The following PATJ variants were observed in gnomAD, a reference collection of about 807,000 sequenced individuals.
PATJ encodes PATJ crumbs cell polarity complex component, also known as inaD-like protein.
A neutral mutation model predicts 224.9 loss-of-function variants in PATJ; 190 were observed. The ratio of observed to expected loss-of-function variants is 0.84; its 90% CI spans 0.75 to 0.95. The LOEUF (loss-of-function observed/expected upper bound fraction) is 0.95, where lower values mean the gene tolerates loss of function less well. Ranked by LOEUF, PATJ falls within the 40% of genes least tolerant of loss-of-function variation. The pLI, the probability that PATJ is intolerant of heterozygous loss-of-function variation, is 0.00. For missense variants in PATJ, 2,121 were observed against 2,270.3 expected (o/e 0.93, Z 1.34); for synonymous variants, 769 against 820.3 (o/e 0.94, Z 1.07).
At chr1:62,075,098 G>A (rs1658079491) in intron 31 of PATJ, among the ~76,000 whole-genome samples, 1 of 152,152 alleles carries the variant, frequency 6.6e-6, no homozygotes, top group African/African-American at 2.4e-5. Context: ...TCTTCTTCTT[G>A]CAGAACAATG....
At chr1:61,782,070 C>T (rs1053756337) in intron 7 of PATJ, among the ~76,000 whole-genome samples, 4 of 151,508 alleles carry the variant, frequency 2.6e-5, no homozygotes, top group South Asian at 2.1e-4. Flanking sequence ...CAGAAGAATG[C>T]AGGTGTTCAG....
At chr1:62,004,409 G>A (rs1233146936) in intron 28 of PATJ, among the ~76,000 whole-genome samples, 1 of 152,038 alleles carries the variant, frequency 6.6e-6, no homozygotes, top group Non-Finnish European at 1.5e-5. Flanking sequence ...TCTTGGTCTG[G>A]GGTTTCTACT....
At chr1:61,757,241 T>G (rs1009815191) in intron 1 of PATJ, among the ~76,000 whole-genome samples, 1 of 152,048 alleles carries the variant, frequency 6.6e-6, no homozygotes, top group African/African-American at 2.4e-5. Context: ...TGGCTAATTT[T>G]TAAAATTTTT....
chr1:61,753,682 G>A lies in PATJ; in HGVS notation c.-35-9176G>A, dbSNP rs531539076. On this transcript the variant is annotated intron_variant, in intron 1 of 43. Transcript: ENST00000642238. ...GCATCACCACGTCAAGCTGATTTTT[G>A]TATTTTTAGTAGAGATGGGGTTTCA... 7.3e-4 allele frequency among the ~76,000 whole-genome samples: 111 copies of A among 151,792 alleles called. 1 individual carries two copies. The highest frequency in any genetic ancestry group is 2.6e-3 in the African/African-American group (107 of 41,450).
intron 34 of PATJ, among the ~76,000 whole-genome samples, chr1:62,111,854 G>T (rs999571881): frequency 6.6e-6 from 1 of 151,766 alleles, no homozygotes; most frequent in Non-Finnish European, 1.5e-5. Flanking sequence ...TAGAGACGGG[G>T]TTTCACTGTG....
At chr1:62,030,013 T>G (rs1648907588) in intron 29 of PATJ, among the ~76,000 whole-genome samples, 1 of 152,068 alleles carries the variant, frequency 6.6e-6, no homozygotes, top group South Asian at 2.1e-4. Flanking sequence ...GCAATTTGGA[T>G]GGATTCAGAT....
intron 28 of PATJ, among the ~76,000 whole-genome samples, chr1:62,008,340 A>C (rs987386472): frequency 6.6e-6 from 1 of 152,186 alleles, no homozygotes; most frequent in Non-Finnish European, 1.5e-5. Context: ...TCTCTACTAC[A>C]TTCCTCATCT....
At chr1:62,136,884 G>C (rs1265031503) in intron 41 of PATJ, among the ~76,000 whole-genome samples, 1 of 152,112 alleles carries the variant, frequency 6.6e-6, no homozygotes, top group African/African-American at 2.4e-5. Context: ...CTAAATTTCA[G>C]ATTTGGTACT....
chr1:61,873,466 G>A lies in PATJ; in HGVS notation c.2836-1777G>A, dbSNP rs571044694. On this transcript the variant is annotated intron_variant, in intron 20 of 43. Coordinates refer to ENST00000642238, the MANE Select transcript of PATJ (RefSeq NM_001350145.3). ...TTATAGGCATGAGCCACTGCACCCG[G>A]CAATAAAATTTTTTAAAATATAAAA... is the stretch of plus-strand genomic sequence containing the variant. 1.9e-3 allele frequency among the ~76,000 whole-genome samples: 285 copies of A among 152,262 alleles called. 1 individual carries two copies. Among genetic ancestry groups the A allele is most frequent in the Non-Finnish European group, 2.0e-3 (134 of 68,030 alleles).
Position 62,086,051 on chromosome 1 carries a change from C to T in PATJ, c.4377+1403C>T, listed in dbSNP as rs144328114. ...CTGGTTTTGAACTCCTAGGCTCAAG[C>T]GATCCTCCTACCTTAGCCTCCCAAA... On this transcript the variant is annotated intron_variant, in intron 33 of 43. Coordinates refer to ENST00000642238, the MANE Select transcript of PATJ (RefSeq NM_001350145.3). This position sits in a 1 kb window ranked among gnomAD's most constrained non-coding sequence, Gnocchi z 4.0. Among the ~76,000 whole-genome samples the T allele has an allele frequency of 3.3e-4, 50 of 152,048 alleles. No individual in the cohort carries two copies. The East Asian group carries it at 8.7e-3, about 26-fold the overall frequency.
chr1:61,894,541 A>C (rs1487319693), intron 22 of PATJ, among the ~76,000 whole-genome samples: 1 of 152,052 alleles, frequency 6.6e-6, no homozygotes, highest in Non-Finnish European at 1.5e-5. Flanking sequence ...TTTCCCCTAC[A>C]CTGTCTCTTT....
At chr1:61,759,910 A>G (rs1435426148) in intron 1 of PATJ, among the ~76,000 whole-genome samples, 1 of 152,142 alleles carries the variant, frequency 6.6e-6, no homozygotes, top group Non-Finnish European at 1.5e-5. Context: ...TTTTCATGAC[A>G]TTTGGAGTAT....
At chr1:62,116,783 C>G (rs1212592879) in intron 36 of PATJ, 104 bp downstream of exon 36, 2 of 1,016,726 alleles carry the variant, frequency 2.0e-6, no homozygotes, top group Non-Finnish European at 2.8e-6. Context: ...TATACTAACT[C>G]TAGTTTTTAC....
intron 22 of PATJ, among the ~76,000 whole-genome samples, chr1:61,892,311 T>C (rs971467552): frequency 1.3e-5 from 2 of 152,240 alleles, no homozygotes; most frequent in Non-Finnish European, 2.9e-5. Context: ...CTGAGTTTAC[T>C]TGACCTTCAT....
chr1:61,827,718 A>G (rs1179515203), intron 16 of PATJ, 135 bp downstream of exon 16: 24 of 649,950 alleles, frequency 3.7e-5, no homozygotes, highest in Non-Finnish European at 5.0e-5. Flanking sequence ...GCAACAATGC[A>G]TAGCTTTTCA....
chr1:61,884,450 G>C, intron 22 of PATJ, 42 bp downstream of exon 22: 5 of 689,090 alleles, frequency 7.3e-6, no homozygotes, highest in Non-Finnish European at 9.7e-6. Context: ...ATAAAATAGT[G>C]GTTTTTTTTT....
intron 23 of PATJ, 146 bp downstream of exon 23, chr1:61,899,800 A>C: frequency 1.9e-6 from 1 of 524,960 alleles, no homozygotes; most frequent in Non-Finnish European, 3.4e-6. Context: ...TTTTGGTTTC[A>C]TTTTGTCTTA....
chr1:61,973,249 G>A (rs1053692000), intron 27 of PATJ, among the ~76,000 whole-genome samples: 1 of 151,922 alleles, frequency 6.6e-6, no homozygotes, highest in Non-Finnish European at 1.5e-5. Flanking sequence ...GGGGCTGCGA[G>A]CAATAAATGA....
chr1:62,151,112 C>A (rs1191180337), intron 42 of PATJ, among the ~76,000 whole-genome samples: 1 of 151,658 alleles, frequency 6.6e-6, no homozygotes, highest in Non-Finnish European at 1.5e-5. Context: ...GCACTCCAGC[C>A]TGGGCAACAA....
Sources: gnomAD v4.1 joint callset for allele counts (sites outside exome capture counted in the v4.1 genomes callset) on GRCh38, gnomAD v4.1.1 for gene constraint, Gnocchi (gnomAD v3.1) non-coding constraint, MANE v1.5 for transcripts, NCBI Gene and HGNC (gene_info 2026-07-23, HGNC 2026-07-21) for gene names.